The following MAPK10 variants were observed in gnomAD, a reference collection of about 807,000 sequenced individuals.
MAPK10 encodes JNK3 alpha protein kinase.
A neutral mutation model predicts 59.3 loss-of-function variants in MAPK10; 25 were observed. The observed-to-expected ratio is 0.42, with a 90% confidence interval of 0.31 to 0.59. The LOEUF (loss-of-function observed/expected upper bound fraction) is 0.59, where lower values mean the gene tolerates loss of function less well. MAPK10 is among the 20% of genes least tolerant of loss of function. MAPK10 has a pLI of 0.15. For synonymous variants in MAPK10, 190 were observed against 200.5 expected, an observed-to-expected ratio of 0.95 and a Z score of 0.44; for missense variants, 351 against 568.9, an observed-to-expected ratio of 0.62 and a Z score of 3.90.
intron 3 of MAPK10, chr4:86,171,069 G>A (rs1277391132): frequency 3.3e-5 from 5 of 151,848 alleles, no homozygotes; most frequent in South Asian, 2.1e-4. Context: ...GGACTCATTC[G>A]AAGCAGTGTG....
intron 1 of MAPK10, among the ~76,000 whole-genome samples, chr4:86,502,722 C>T (rs539123119): frequency 6.6e-6 from 1 of 152,178 alleles, no homozygotes; most frequent in African/African-American, 2.4e-5. Flanking sequence ...CTCTTTGGTA[C>T]ATTCTTTCCT....
chr4:86,502,695 C>T lies in MAPK10; in HGVS notation c.-263+91215G>A, dbSNP rs571598072. On this transcript the variant is annotated intron_variant, in intron 1 of 4. Coordinates refer to the MAPK10 transcript ENST00000502302. ...TTCCCACTACAGAGAATTCTTCTGG[C>T]ACCTATAATTAATATTCTCTTTGGT... 1.2e-4 allele frequency among the ~76,000 whole-genome samples: 18 copies of T among 152,158 alleles called. No individual in the cohort carries two copies. In the East Asian group the frequency reaches 2.7e-3, roughly 23 times the overall value.
intron 1 of MAPK10, among the ~76,000 whole-genome samples, chr4:86,479,851 T>C (rs1449038722): frequency 1.3e-5 from 2 of 152,088 alleles, no homozygotes; most frequent in East Asian, 1.9e-4. Context: ...AAATGTTTCT[T>C]CTAACAACCC....
At chr4:86,292,288 C>A (rs2095248904) in intron 2 of MAPK10, among the ~76,000 whole-genome samples, 1 of 152,102 alleles carries the variant, frequency 6.6e-6, no homozygotes. Flanking sequence ...AAATATAATA[C>A]TTCTCTCCAT....
At chr4:86,386,203 G>A (rs1406140466) in intron 1 of MAPK10, among the ~76,000 whole-genome samples, 3 of 152,156 alleles carry the variant, frequency 2.0e-5, no homozygotes, top group African/African-American at 4.8e-5. Context: ...AGAGAATTGC[G>A]ATACTCCGCT....
At chr4:86,298,615 T>A (rs1236843662) in intron 2 of MAPK10, among the ~76,000 whole-genome samples, 3 of 152,220 alleles carry the variant, frequency 2.0e-5, no homozygotes, top group African/African-American at 7.2e-5. Flanking sequence ...TCACAGCATC[T>A]CAGTGCCAGG....
chr4:86,359,262 T>TA (rs1564707777), intron 1 of MAPK10, among the ~76,000 whole-genome samples: 1 of 15,596 alleles, frequency 6.4e-5, no homozygotes, highest in Non-Finnish European at 2.2e-4. Flanking sequence ...GTTTTTTTTT[T>TA]CCTCTCTCTC....
At chr4:86,051,105 A>T (rs1269810262) in intron 11 of MAPK10, among the ~76,000 whole-genome samples, 5 of 152,140 alleles carry the variant, frequency 3.3e-5, no homozygotes, top group Non-Finnish European at 7.4e-5. Context: ...TTCACAATAT[A>T]TTGTGGGTCA....
intron 1 of MAPK10, among the ~76,000 whole-genome samples, chr4:86,512,429 G>A (rs1756350445): frequency 6.6e-6 from 1 of 152,140 alleles, no homozygotes; most frequent in African/African-American, 2.4e-5. Flanking sequence ...GCCTTATAGT[G>A]AGTGAGTAAA....
chr4:86,429,327 A>C (rs1747726176), intron 1 of MAPK10, among the ~76,000 whole-genome samples: 1 of 152,106 alleles, frequency 6.6e-6, no homozygotes, highest in Non-Finnish European at 1.5e-5. Flanking sequence ...GAATTTTATA[A>C]GGATTAATTA....
rs1047574837 is a variant in MAPK10 at position 86,212,354 on chromosome 4, C to CA, written c.-6-17948dup. Among the ~76,000 whole-genome samples the CA allele has an allele frequency of 4.8e-3, 707 of 148,282 alleles. 7 individuals are homozygous for CA. The highest frequency in any genetic ancestry group is 0.016 in the African/African-American group (650 of 40,488). On this transcript the variant is annotated intron_variant, in intron 2 of 13. Transcript: ENST00000641462. ...GCAACATATCAAGACCTTGTCTGTA[C>CA]AAAAAAAAAATTATAAAATTAGCTG...
intron 2 of MAPK10, among the ~76,000 whole-genome samples, chr4:86,253,281 GCCCAT>G (rs2093547877): frequency 2.2e-5 from 1 of 45,094 alleles, no homozygotes; most frequent in Admixed American, 2.4e-4. Context: ...TCCAGTTTTT[GCCCAT>G]TCAGTATGAT....
intron 2 of MAPK10, among the ~76,000 whole-genome samples, chr4:86,315,841 G>C (rs1336780844): frequency 6.6e-6 from 1 of 152,098 alleles, no homozygotes; most frequent in Non-Finnish European, 1.5e-5. Context: ...TTCAAATGCA[G>C]ATTATATTAA....
chr4:86,487,045 G>A (rs185764970), intron 1 of MAPK10, among the ~76,000 whole-genome samples: 23 of 152,204 alleles, frequency 1.5e-4, no homozygotes, highest in Admixed American at 3.3e-4. Flanking sequence ...TGAAAGATAC[G>A]GAAAAGCTAA....
intron 3 of MAPK10, among the ~76,000 whole-genome samples, chr4:86,166,718 C>T (rs2071858768): frequency 2.6e-5 from 4 of 152,146 alleles, no homozygotes; most frequent in South Asian, 4.1e-4. Context: ...TTTCCACCTC[C>T]CTTGCAGTTG....
chr4:86,548,270 C>T (rs923241980), intron 1 of MAPK10, among the ~76,000 whole-genome samples: 2 of 152,076 alleles, frequency 1.3e-5, no homozygotes, highest in African/African-American at 4.8e-5. Context: ...AGTTTCACTC[C>T]TGAGCCAGCG....
At chr4:86,188,970 T>TG (rs2078982644) in intron 3 of MAPK10, among the ~76,000 whole-genome samples, 1 of 152,254 alleles carries the variant, frequency 6.6e-6, no homozygotes, top group African/African-American at 2.4e-5. Flanking sequence ...TTTCTGCATA[T>TG]GGCTAGCCAG....
At chr4:86,391,172 C>T (rs1742131516) in intron 1 of MAPK10, among the ~76,000 whole-genome samples, 1 of 152,206 alleles carries the variant, frequency 6.6e-6, no homozygotes, top group South Asian at 2.1e-4. Context: ...GTATATTTAA[C>T]AGCTTCTTCT....
At chr4:86,258,491 C>T (rs1260156130) in intron 2 of MAPK10, among the ~76,000 whole-genome samples, 1 of 152,164 alleles carries the variant, frequency 6.6e-6, no homozygotes, top group Non-Finnish European at 1.5e-5. Context: ...TCCATGTCCC[C>T]TCTGGATACC....
Sources: gnomAD v4.1 joint callset for allele counts (sites outside exome capture counted in the v4.1 genomes callset) on GRCh38, gnomAD v4.1.1 for gene constraint, MANE v1.5 for transcripts, NCBI Gene and HGNC (gene_info 2026-07-23, HGNC 2026-07-21) for gene names.